Variants in GRID1 observed in about 807,000 individuals in gnomAD.
GRID1 encodes glutamate ionotropic receptor delta type subunit 1.
In GRID1, 28 loss-of-function variants were observed where a neutral mutation model predicts 98.0. The observed-to-expected ratio is 0.29, with a 90% CI of 0.21 to 0.39. The LOEUF is 0.39. Among genes scored for constraint, GRID1 ranks in the 10% least tolerant of loss-of-function variants. GRID1 has a pLI of 1.00. For missense variants in GRID1, 1,111 were observed against 1,340.5 expected, an observed-to-expected ratio of 0.83 and a Z score of 2.67; for synonymous variants, 553 against 538.5, an observed-to-expected ratio of 1.03 and a Z score of -0.37.
intron 12 of GRID1, among the ~76,000 whole-genome samples, chr10:85,661,349 G>A (rs1291267017): frequency 6.6e-6 from 1 of 152,056 alleles, no homozygotes; most frequent in Non-Finnish European, 1.5e-5. Context: ...CTATGGCCTG[G>A]GCTGGAACTA....
chr10:86,033,340 C>G (rs1028456326), intron 4 of GRID1, among the ~76,000 whole-genome samples: 6 of 149,786 alleles, frequency 4.0e-5, no homozygotes, highest in African/African-American at 1.2e-4. Flanking sequence ...CGGCTTGGTA[C>G]GCTCCTCAGA....
At chr10:85,951,704 C>T (rs1842127863) in intron 4 of GRID1, among the ~76,000 whole-genome samples, 1 of 152,196 alleles carries the variant, frequency 6.6e-6, no homozygotes. Flanking sequence ...TTGCTGGTGC[C>T]CACCCAGACA....
intron 2 of GRID1, among the ~76,000 whole-genome samples, chr10:86,225,294 T>C (rs1437902100): frequency 2.0e-5 from 3 of 152,186 alleles, no homozygotes; most frequent in Non-Finnish European, 4.4e-5. Flanking sequence ...TCTCCAGCCA[T>C]GACACCAGCA....
At chr10:85,895,567 T>C (rs1841280902) in intron 5 of GRID1, among the ~76,000 whole-genome samples, 1 of 152,124 alleles carries the variant, frequency 6.6e-6, no homozygotes, top group Non-Finnish European at 1.5e-5. Context: ...TCCCAGTTCT[T>C]GTGGTTCCTG....
intron 4 of GRID1, among the ~76,000 whole-genome samples, chr10:86,110,131 C>T (rs532683747): frequency 3.3e-5 from 5 of 152,184 alleles, no homozygotes; most frequent in African/African-American, 1.2e-4. Context: ...TGCCACCACG[C>T]CTGGCTAATT....
chr10:85,816,308 C>A (rs1842715494), intron 8 of GRID1, among the ~76,000 whole-genome samples: 1 of 152,042 alleles, frequency 6.6e-6, no homozygotes, highest in Admixed American at 6.6e-5. Context: ...GATAAACAAA[C>A]CCTGGTACAT....
intron 8 of GRID1, among the ~76,000 whole-genome samples, chr10:85,831,132 A>AT (rs1842863952): frequency 6.6e-6 from 1 of 152,042 alleles, no homozygotes; most frequent in South Asian, 2.1e-4. Flanking sequence ...TAGCTATAAA[A>AT]AAAAAATGAG....
chr10:85,692,531 C>T (rs114761977), intron 12 of GRID1, among the ~76,000 whole-genome samples: 17,021 of 151,406 alleles, frequency 0.11, 1,140 homozygotes, highest in African/African-American at 0.2. Context: ...GTTGTGATGG[C>T]GTGTGCCTGT....
At chr10:86,245,891 G>A (rs944757908) in intron 2 of GRID1, among the ~76,000 whole-genome samples, 2 of 152,266 alleles carry the variant, frequency 1.3e-5, no homozygotes, top group Admixed American at 6.5e-5. Context: ...AAGGCAGGAA[G>A]AAGGAACCCT....
intron 2 of GRID1, among the ~76,000 whole-genome samples, chr10:86,231,012 C>A (rs2132035842): frequency 6.6e-6 from 1 of 152,336 alleles, no homozygotes; most frequent in African/African-American, 2.4e-5. Flanking sequence ...GAGGACCAGG[C>A]CTCTCAGCAC....
intron 2 of GRID1, among the ~76,000 whole-genome samples, chr10:86,253,739 A>G (rs1378408442): frequency 1.3e-5 from 2 of 152,184 alleles, no homozygotes; most frequent in Non-Finnish European, 2.9e-5. Flanking sequence ...AGTGGGAAAT[A>G]GGCCAATGTC....
At chr10:86,194,158 A>T (rs1845842395) in intron 3 of GRID1, among the ~76,000 whole-genome samples, 1 of 152,074 alleles carries the variant, frequency 6.6e-6, no homozygotes, top group Non-Finnish European at 1.5e-5. Flanking sequence ...TGAAAACAGA[A>T]TCTCCTGCAG....
intron 2 of GRID1, among the ~76,000 whole-genome samples, chr10:86,237,598 G>A (rs1425034079): frequency 6.6e-6 from 1 of 151,994 alleles, no homozygotes; most frequent in African/African-American, 2.4e-5. Flanking sequence ...TACTCAGGAG[G>A]CTGAGGCAGG....
At chr10:86,242,811 G>A (rs900088989) in intron 2 of GRID1, among the ~76,000 whole-genome samples, 1 of 152,148 alleles carries the variant, frequency 6.6e-6, no homozygotes, top group Non-Finnish European at 1.5e-5. Flanking sequence ...TGACATCCAG[G>A]CCACAGATGA....
chr10:86,084,888 G>A (rs1009134819), intron 4 of GRID1, among the ~76,000 whole-genome samples: 1 of 152,120 alleles, frequency 6.6e-6, no homozygotes, highest in African/African-American at 2.4e-5. Context: ...GGAGGAATGG[G>A]GAGTTATTGT....
At chr10:85,638,553 C>T (rs1284951847) in intron 13 of GRID1, among the ~76,000 whole-genome samples, 9 of 152,060 alleles carry the variant, frequency 5.9e-5, no homozygotes, top group Non-Finnish European at 8.8e-5. Flanking sequence ...ACATACATGG[C>T]CAGTTGACTG....
rs114634857 is a variant in GRID1 at position 85,660,400 on chromosome 10, C to G, written c.1998-13003G>C. 4.3e-3 allele frequency among the ~76,000 whole-genome samples: 656 copies of G among 152,294 alleles called. 5 individuals are homozygous for G. The highest frequency in any genetic ancestry group is 0.014 in the African/African-American group (580 of 41,568). On this transcript the variant is annotated intron_variant, in intron 12 of 15. Coordinates refer to ENST00000327946, the MANE Select transcript of GRID1 (RefSeq NM_017551.3). ...TCCCGCTACAGAACACCAGATACAC[C>G]ACCATGGAAAGGTTGTTGGAAAGTA...
chr10:86,329,746 ACC>A (rs988088418), intron 2 of GRID1, among the ~76,000 whole-genome samples: 23 of 152,028 alleles, frequency 1.5e-4, no homozygotes, highest in African/African-American at 5.3e-4. Flanking sequence ...CTGCCAGTCT[ACC>A]CCTGCTCATG....
intron 8 of GRID1, among the ~76,000 whole-genome samples, chr10:85,792,416 ATT>A (rs571732244): frequency 5.5e-4 from 84 of 152,262 alleles, no homozygotes; most frequent in Non-Finnish European, 1.1e-3. Context: ...GCCTTTCAAT[ATT>A]TTTAAAATGA....
Sources: allele counts gnomAD v4.1 joint callset (sites outside exome capture counted in the v4.1 genomes callset), GRCh38; gene constraint gnomAD v4.1.1; transcripts MANE v1.5; gene names NCBI Gene and HGNC (gene_info 2026-07-23, HGNC 2026-07-21).